The following MB21D2 variants were observed in gnomAD, a reference collection of about 807,000 sequenced individuals.
MB21D2 encodes the protein nucleotidyltransferase MB21D2.
In MB21D2, 9 loss-of-function variants were observed where a neutral mutation model predicts 33.3. The ratio of observed to expected loss-of-function variants is 0.27; its 90% CI spans 0.16 to 0.47. The LOEUF is 0.47. Ranked by LOEUF, MB21D2 falls within the 20% of genes least tolerant of loss-of-function variation. MB21D2 has a pLI of 0.99. For missense variants in MB21D2, 540 were observed against 624.6 expected (o/e 0.86, Z 1.44); for synonymous variants, 241 against 236.3 (o/e 1.02, Z -0.18).
intron 1 of MB21D2, among the ~76,000 whole-genome samples, chr3:192,867,069 A>G (rs1211339468): frequency 6.6e-6 from 1 of 152,094 alleles, no homozygotes; most frequent in Admixed American, 6.5e-5. Flanking sequence ...AAACCCAGAA[A>G]CTATTGCAAT....
intron 1 of MB21D2, among the ~76,000 whole-genome samples, chr3:192,902,683 C>G (rs1714127817): frequency 6.6e-6 from 1 of 152,174 alleles, no homozygotes; most frequent in Non-Finnish European, 1.5e-5. Flanking sequence ...CTCTCTAATT[C>G]TTTGAATCCT....
Position 192,916,521 on chromosome 3 carries a change from C to A in MB21D2, c.211+1109G>T, listed in dbSNP as rs190810671. Among the ~76,000 whole-genome samples the A allele has an allele frequency of 1.0e-3, 157 of 152,314 alleles. 1 individual carries two copies. The highest frequency in any genetic ancestry group is 3.6e-3 in the African/African-American group (148 of 41,564). On this transcript the variant is annotated intron_variant, in intron 1 of 1. Transcript: ENST00000392452. ...TCTATTTGTAGAGAGCACCCAGAGA[C>A]GAGCGTTAGAGCAGCGCTACCCTGG...
At chr3:192,898,755 C>T (rs981277831) in intron 1 of MB21D2, among the ~76,000 whole-genome samples, 1 of 152,152 alleles carries the variant, frequency 6.6e-6, no homozygotes, top group African/African-American at 2.4e-5. Context: ...AATTCATAAC[C>T]GACTGGTGCA....
intron 1 of MB21D2, among the ~76,000 whole-genome samples, chr3:192,894,181 T>G (rs891758146): frequency 6.6e-6 from 1 of 152,120 alleles, no homozygotes; most frequent in Non-Finnish European, 1.5e-5. Context: ...CAGGCTGTAG[T>G]GCAGTGGCGC....
intron 1 of MB21D2, among the ~76,000 whole-genome samples, chr3:192,846,429 T>C (rs1366181411): frequency 1.3e-5 from 2 of 152,194 alleles, no homozygotes; most frequent in Non-Finnish European, 2.9e-5. Flanking sequence ...TTTTTATATA[T>C]AATTACCTGC....
intron 1 of MB21D2, among the ~76,000 whole-genome samples, chr3:192,877,589 C>CA (rs1352326323): frequency 2.0e-5 from 3 of 152,218 alleles, no homozygotes; most frequent in Admixed American, 2.0e-4. Context: ...ACTGTCCTCC[C>CA]ACAAGACCTC....
intron 1 of MB21D2, among the ~76,000 whole-genome samples, chr3:192,810,703 A>C (rs915929330): frequency 3.3e-5 from 5 of 152,220 alleles, no homozygotes; most frequent in African/African-American, 1.2e-4. Flanking sequence ...TAATATGTTA[A>C]GGTAAATCCC....
At chr3:192,806,990 G>A (rs1367692173) in intron 1 of MB21D2, among the ~76,000 whole-genome samples, 1 of 152,090 alleles carries the variant, frequency 6.6e-6, no homozygotes, top group Non-Finnish European at 1.5e-5. Context: ...AAGTTTGTTG[G>A]GTGGCCACAG....
At chr3:192,896,226 C>T (rs1577199840) in intron 1 of MB21D2, among the ~76,000 whole-genome samples, 1 of 152,124 alleles carries the variant, frequency 6.6e-6, no homozygotes, top group South Asian at 2.1e-4. Flanking sequence ...AGGAAACTAA[C>T]GTTCAGAAAG....
chr3:192,889,623 T>A (rs1191197685), intron 1 of MB21D2, among the ~76,000 whole-genome samples: 1 of 151,978 alleles, frequency 6.6e-6, no homozygotes, highest in Non-Finnish European at 1.5e-5. Context: ...ACAGGAAGAT[T>A]TTTTTTGTTT....
intron 1 of MB21D2, among the ~76,000 whole-genome samples, chr3:192,896,933 A>C (rs2108649573): frequency 6.6e-6 from 1 of 152,288 alleles, no homozygotes; most frequent in South Asian, 2.1e-4. Context: ...CTGCGGAAGA[A>C]ACGGCAGGCG....
At chr3:192,856,999 G>C (rs1309084727) in intron 1 of MB21D2, among the ~76,000 whole-genome samples, 1 of 152,074 alleles carries the variant, frequency 6.6e-6, no homozygotes, top group Non-Finnish European at 1.5e-5. Flanking sequence ...AGGAAAAAAT[G>C]ATCACATACT....
intron 1 of MB21D2, among the ~76,000 whole-genome samples, chr3:192,848,482 C>T (rs1011577250): frequency 6.6e-6 from 1 of 152,164 alleles, no homozygotes; most frequent in Non-Finnish European, 1.5e-5. Context: ...AGATGCATGC[C>T]ACAAGAAGCC....
At position 192,798,877 on chromosome 3, in the gene MB21D2, G is replaced by A; in HGVS notation, c.985C>T (p.Pro329Ser). 6.2e-7 allele frequency: 1 copy of A among 1,613,410 alleles called. No homozygotes were observed. The highest frequency in any genetic ancestry group is 2.2e-5 in the East Asian group (1 of 44,882). Residue 329 changes from proline (P) to serine (S), a missense_variant, in exon 2 of 2, where the codon CCC becomes TCC. Transcript: ENST00000392452. This position sits in a 1 kb window ranked among gnomAD's most constrained non-coding sequence, Gnocchi z 4.8. ...AGCATCATGCTCCGCAGGTGATAGGGGCTAATAGCCTTGGGCCGGGACAGC... is the reference window on the plus strand; with the variant it reads ...AGCATCATGCTCCGCAGGTGATAGGAGCTAATAGCCTTGGGCCGGGACAGC... ...KLLSRPKAIS[P>S]YHLRSMMLWA...
intron 1 of MB21D2, among the ~76,000 whole-genome samples, chr3:192,883,078 G>C (rs565459931): frequency 5.9e-5 from 9 of 152,046 alleles, no homozygotes; most frequent in Non-Finnish European, 1.0e-4. Context: ...ATGTAGGCCA[G>C]GCTGGTCTCA....
In MB21D2 at chr3:192,798,128, T is replaced by C. The variant is rs1335166533; in HGVS notation, c.*258A>G. ...TTTCATCTATGGCTTAAGATCTCCT[T>C]AAAAAGAAAAAAAACTCCAACAAAC... On this transcript the variant is annotated 3_prime_UTR_variant, in exon 2 of 2. Transcript: ENST00000392452. The surrounding 1 kb of genome is among the most constrained non-coding windows in gnomAD (Gnocchi z 4.8). The C allele has an allele frequency of 3.5e-5, 14 of 397,902 alleles. No homozygotes were observed. The East Asian group carries it at 5.9e-4, about 17-fold the overall frequency. 24.6% of individuals were successfully genotyped at this position (397,902 alleles called of 1,614,324 possible). A position where few individuals can be genotyped will look rare whatever the true frequency, so the allele number is the denominator to read the frequency against.
chr3:192,915,397 C>T (rs1459443379), intron 1 of MB21D2, among the ~76,000 whole-genome samples: 1 of 152,186 alleles, frequency 6.6e-6, no homozygotes, highest in Admixed American at 6.5e-5. Context: ...GCCAAACCTC[C>T]ACTTGTGTAG....
chr3:192,826,196 C>T (rs1207969452), intron 1 of MB21D2, among the ~76,000 whole-genome samples: 2 of 152,214 alleles, frequency 1.3e-5, no homozygotes, highest in African/African-American at 4.8e-5. Context: ...TAACATTTAT[C>T]ATATTCTCCA....
At chr3:192,862,665 A>T (rs1428573199) in intron 1 of MB21D2, among the ~76,000 whole-genome samples, 4 of 152,204 alleles carry the variant, frequency 2.6e-5, no homozygotes, top group African/African-American at 9.6e-5. Flanking sequence ...GCTCACACTG[A>T]ATTAAGGTGG....
Sources: gnomAD v4.1 joint callset for allele counts (sites outside exome capture counted in the v4.1 genomes callset) on GRCh38, gnomAD v4.1.1 for gene constraint, Gnocchi (gnomAD v3.1) non-coding constraint, MANE v1.5 for transcripts, NCBI Gene and HGNC (gene_info 2026-07-23, HGNC 2026-07-21) for gene names.